NOVA1: variants seen among roughly 807,000 people sequenced by gnomAD.
The protein encoded by NOVA1 is RNA-binding protein Nova-1.
Under a neutral mutation model 38.0 loss-of-function variants are expected in NOVA1, and 7 were observed. The observed-to-expected ratio is 0.18, with a 90% confidence interval of 0.10 to 0.35. The LOEUF (loss-of-function observed/expected upper bound fraction) is 0.35. NOVA1 is among the 10% of genes least tolerant of loss of function. The pLI, the probability that NOVA1 is intolerant of heterozygous loss-of-function variation, is 1.00. For missense variants in NOVA1, 460 were observed against 616.0 expected, an observed-to-expected ratio of 0.75 and a Z score of 2.68; for synonymous variants, 270 against 232.5, an observed-to-expected ratio of 1.16 and a Z score of -1.47.
intron 4 of NOVA1, among the ~76,000 whole-genome samples, chr14:26,467,359 A>G (rs1355551022): frequency 2.0e-5 from 3 of 152,220 alleles, no homozygotes; most frequent in Non-Finnish European, 2.9e-5. Context: ...AGTGCTCATC[A>G]TTGATGTCCT....
intron 3 of NOVA1, among the ~76,000 whole-genome samples, chr14:26,478,300 TA>T (rs1885153413): frequency 6.6e-6 from 1 of 151,948 alleles, no homozygotes; most frequent in South Asian, 2.1e-4. Flanking sequence ...TTTATTCTTA[TA>T]AAAAATAATA....
At chr14:26,579,053 C>CTGTTTTT (rs1893044658) in intron 2 of NOVA1, among the ~76,000 whole-genome samples, 1 of 80,076 alleles carries the variant, frequency 1.2e-5, no homozygotes, top group Non-Finnish European at 2.1e-5. Context: ...AGGTGGTATT[C>CTGTTTTT]TTTTTTTTTT....
At chr14:26,449,078 A>G in intron 4 of NOVA1, 115 bp from the exon 5 acceptor site, 1 of 950,356 alleles carries the variant, frequency 1.1e-6, no homozygotes, top group Admixed American at 2.8e-5. Flanking sequence ...ATAATTTATG[A>G]AACAGAAATA....
chr14:26,571,955 G>C (rs1362577348), intron 2 of NOVA1, among the ~76,000 whole-genome samples: 1 of 152,146 alleles, frequency 6.6e-6, no homozygotes, highest in Non-Finnish European at 1.5e-5. Flanking sequence ...TGAAAGCATA[G>C]ACTACAACAG....
In NOVA1 at chr14:26,496,206, A is replaced by G. The variant is rs1403988964; in HGVS notation, c.281-16063T>C. Reference sequence around the variant, plus strand: ...TTGCCATTCTAACTGGTGTGAGATGATATCTCATTGTGGTTTTGATTTGCA... The same window carrying G: ...TTGCCATTCTAACTGGTGTGAGATGGTATCTCATTGTGGTTTTGATTTGCA... On this transcript the variant is annotated intron_variant, in intron 2 of 4. Transcript: ENST00000539517. 5.3e-5 allele frequency among the ~76,000 whole-genome samples: 8 copies of G among 151,814 alleles called. No homozygotes were observed. The East Asian group carries it at 7.8e-4, about 15-fold the overall frequency.
chr14:26,557,380 T>C (rs1012290710), intron 2 of NOVA1, among the ~76,000 whole-genome samples: 1 of 152,084 alleles, frequency 6.6e-6, no homozygotes, highest in African/African-American at 2.4e-5. Context: ...TAGAGCCATT[T>C]TGATTTTTGT....
chr14:26,527,479 G>C (rs185961293), intron 2 of NOVA1, among the ~76,000 whole-genome samples: 224 of 151,354 alleles, frequency 1.5e-3, no homozygotes, highest in Non-Finnish European at 2.4e-3. Flanking sequence ...CTCCAATTCA[G>C]GATACCGCCA....
chr14:26,470,127 G>T, intron 4 of NOVA1: 2 of 646,362 alleles, frequency 3.1e-6, no homozygotes, highest in Non-Finnish European at 4.0e-6. Flanking sequence ...ATAGTTTTCT[G>T]TATTTTTTAT....
chr14:26,483,106 T>C (rs1022813201), intron 2 of NOVA1, among the ~76,000 whole-genome samples: 1 of 152,250 alleles, frequency 6.6e-6, no homozygotes, highest in Non-Finnish European at 1.5e-5. Flanking sequence ...CTTTAAGTTT[T>C]GATTTAACAT....
intron 2 of NOVA1, among the ~76,000 whole-genome samples, chr14:26,538,427 T>C (rs371435825): frequency 6.6e-6 from 1 of 152,188 alleles, no homozygotes. Context: ...AAAATAGATG[T>C]GTAATTTAAA....
intron 2 of NOVA1, among the ~76,000 whole-genome samples, chr14:26,554,484 A>AT (rs1305876206): frequency 6.6e-6 from 1 of 152,192 alleles, no homozygotes; most frequent in African/African-American, 2.4e-5. Context: ...AAGAAGAGAA[A>AT]TTGAGTTATA....
intron 2 of NOVA1, among the ~76,000 whole-genome samples, chr14:26,583,175 T>C (rs1432389606): frequency 2.0e-5 from 3 of 151,696 alleles, no homozygotes; most frequent in Non-Finnish European, 4.4e-5. Context: ...AAATAGAATA[T>C]CATTTTAAAG....
At chr14:26,530,645 T>C (rs1286007352) in intron 2 of NOVA1, among the ~76,000 whole-genome samples, 1 of 152,132 alleles carries the variant, frequency 6.6e-6, no homozygotes, top group African/African-American at 2.4e-5. Flanking sequence ...GAATTATCCA[T>C]GCAAACAAAG....
At chr14:26,587,308 T>TAAAAAAAAAA (rs34853058) in intron 2 of NOVA1, among the ~76,000 whole-genome samples, 12 of 123,670 alleles carry the variant, frequency 9.7e-5, no homozygotes, top group Admixed American at 2.4e-4. Flanking sequence ...CTAAAATATA[T>TAAAAAAAAAA]AAAAAAAAAA....
In NOVA1 at chr14:26,480,030, G is replaced by C; in HGVS notation, c.394C>G (p.Pro132Ala). The C allele has an allele frequency of 6.2e-7, 1 of 1,613,982 alleles. No individual in the cohort carries two copies. The highest frequency in any genetic ancestry group is 8.5e-7 in the Non-Finnish European group (1 of 1,179,998). ...GTCTGGGGTTGTAGAATGCTGACTG[G>C]TTCTGTCTTGGCCACATTTTGGGGC... ...EMPQNVAKTE[P>A]VSILQPQTTV... is the part of the protein sequence containing the mutation. The change falls in exon 3 of 5, where the codon CCA becomes GCA. Residue 132 changes from proline to alanine, a missense_variant. By Grantham distance (27) the Pro-to-Ala change is conservative. Transcript: ENST00000539517.
rs576313081 is a variant in NOVA1, at chr14:26,535,679, C to T, written c.281-55536G>A. Among the ~76,000 whole-genome samples the T allele has an allele frequency of 7.2e-5, 11 of 152,048 alleles. No individual in the cohort carries two copies. In the East Asian group the frequency reaches 1.6e-3, roughly 21 times the overall value. On this transcript the variant is annotated intron_variant, in intron 2 of 4. Coordinates refer to ENST00000539517, the MANE Select transcript of NOVA1 (RefSeq NM_002515.3). ...GATAAAGAAAATGTGGTACATAGGC[C>T]GGGCGTGGTGGCTCACGCCTGTAAT...
At chr14:26,515,120 A>T (rs1446407405) in intron 2 of NOVA1, among the ~76,000 whole-genome samples, 1 of 151,968 alleles carries the variant, frequency 6.6e-6, no homozygotes, top group Non-Finnish European at 1.5e-5. Flanking sequence ...GACATTTACT[A>T]TATTGAACCA....
chr14:26,501,203 A>T (rs1165897303), intron 2 of NOVA1, among the ~76,000 whole-genome samples: 2 of 152,042 alleles, frequency 1.3e-5, no homozygotes, highest in African/African-American at 2.4e-5. Context: ...TGTTAAAAAG[A>T]AAAAGAAGAT....
At chr14:26,546,777 T>C (rs1890813764) in intron 2 of NOVA1, among the ~76,000 whole-genome samples, 1 of 152,146 alleles carries the variant, frequency 6.6e-6, no homozygotes, top group Non-Finnish European at 1.5e-5. Context: ...CCCAGCACTT[T>C]GGGAGGCCAA....
Sources: gnomAD v4.1 joint callset for allele counts (sites outside exome capture counted in the v4.1 genomes callset) on GRCh38, gnomAD v4.1.1 for gene constraint, MANE v1.5 for transcripts, NCBI Gene and HGNC (gene_info 2026-07-23, HGNC 2026-07-21) for gene names.